Variants in FBXL13 observed in about 807,000 individuals in gnomAD.
FBXL13 encodes F-box and leucine rich repeat protein 13.
A neutral mutation model predicts 83.6 loss-of-function variants in FBXL13; 67 were observed. The ratio of observed to expected loss-of-function variants is 0.80; its 90% confidence interval spans 0.66 to 0.98. The LOEUF is 0.98. Among genes scored for constraint, FBXL13 ranks in the 50% least tolerant of loss-of-function variants. The pLI, the probability that FBXL13 is intolerant of heterozygous loss-of-function variation, is 0.00. For synonymous variants in FBXL13, 272 were observed against 299.5 expected (o/e 0.91, Z 0.95); for missense variants, 822 against 866.5 (o/e 0.95, Z 0.64).
At chr7:103,014,946 A>G (rs1349775308) in intron 6 of FBXL13, among the ~76,000 whole-genome samples, 1 of 150,938 alleles carries the variant, frequency 6.6e-6, no homozygotes, top group East Asian at 1.9e-4. Flanking sequence ...AAAAAAAAAA[A>G]AGAAAATACT....
At chr7:102,883,381 C>T (rs756931053) in exon 14 of FBXL13, 2 of 1,613,386 alleles carry the variant, frequency 1.2e-6, no homozygotes, top group African/African-American at 1.3e-5. Flanking sequence ...TCTGTTATTC[C>T]CTTGCAGTCA....
intron 6 of FBXL13, among the ~76,000 whole-genome samples, chr7:102,975,326 C>T (rs1827293631): frequency 6.6e-6 from 1 of 152,228 alleles, no homozygotes; most frequent in Non-Finnish European, 1.5e-5. Context: ...TATGAACTAA[C>T]TTGGCATGAC....
chr7:102,970,071 T>C (rs1211358928), intron 6 of FBXL13, among the ~76,000 whole-genome samples: 1 of 151,824 alleles, frequency 6.6e-6, no homozygotes, highest in Non-Finnish European at 1.5e-5. Flanking sequence ...GGCAACATAG[T>C]GAAACCCCAT....
chr7:102,839,719 T>C (rs767532041), intron 17 of FBXL13, among the ~76,000 whole-genome samples: 25 of 152,178 alleles, frequency 1.6e-4, no homozygotes, highest in Non-Finnish European at 3.2e-4. Flanking sequence ...GTGCTGGGAT[T>C]ACACATGTGA....
intron 2 of FBXL13, among the ~76,000 whole-genome samples, chr7:103,034,775 C>G (rs573479822): frequency 6.6e-6 from 1 of 152,320 alleles, no homozygotes; most frequent in South Asian, 2.1e-4. Flanking sequence ...CAGCATGTCC[C>G]CCACTACTGT....
chr7:102,883,781 C>T, intron 12 of FBXL13, 96 bp from the exon 14 acceptor site: 1 of 697,122 alleles, frequency 1.4e-6, no homozygotes, highest in Non-Finnish European at 2.4e-6. Context: ...TAGAGACAGA[C>T]ATGTTAACTG....
At chr7:102,971,209 C>G (rs1826610073) in intron 6 of FBXL13, among the ~76,000 whole-genome samples, 1 of 152,174 alleles carries the variant, frequency 6.6e-6, no homozygotes, top group South Asian at 2.1e-4. Flanking sequence ...GTACAAAAGA[C>G]TGTCACGTAG....
intron 11 of FBXL13, among the ~76,000 whole-genome samples, chr7:102,906,626 G>C (rs1361628979): frequency 2.0e-5 from 3 of 152,170 alleles, no homozygotes; most frequent in African/African-American, 7.2e-5. Flanking sequence ...TACTATTCTA[G>C]GGTAAAAGTT....
At chr7:102,914,855 T>A (rs1167584369) in intron 10 of FBXL13, among the ~76,000 whole-genome samples, 1 of 152,196 alleles carries the variant, frequency 6.6e-6, no homozygotes, top group African/African-American at 2.4e-5. Flanking sequence ...AAATGCGTTA[T>A]CTTCCTCTCC....
chr7:102,945,631 C>T (rs1046124536), intron 8 of FBXL13, among the ~76,000 whole-genome samples: 5 of 152,102 alleles, frequency 3.3e-5, no homozygotes, highest in African/African-American at 1.2e-4. Context: ...GGATTTTAGA[C>T]CCTGATCCCA....
intron 1 of FBXL13, among the ~76,000 whole-genome samples, chr7:103,056,026 C>G (rs1172910182): frequency 6.6e-6 from 1 of 151,900 alleles, no homozygotes; most frequent in African/African-American, 2.4e-5. Context: ...CCCCAAGTCC[C>G]CAAAGTCCAT....
intron 18 of FBXL13, among the ~76,000 whole-genome samples, chr7:102,828,860 T>C (rs1169603362): frequency 6.6e-6 from 1 of 152,214 alleles, no homozygotes; most frequent in African/African-American, 2.4e-5. Context: ...CTTTGTGACC[T>C]GGCTCAATCA....
intron 8 of FBXL13, among the ~76,000 whole-genome samples, chr7:102,959,370 T>C (rs1824811874): frequency 6.6e-6 from 1 of 152,146 alleles, no homozygotes; most frequent in Admixed American, 6.6e-5. Context: ...TTTGGAGTTT[T>C]TCTTTCTCAT....
chr7:102,860,992 C>T lies in FBXL13; in HGVS notation c.1636-6132G>A, dbSNP rs577830621. On this transcript the variant is annotated intron_variant, in intron 16 of 19. Transcript: ENST00000313221. ...GTTTATATATAGTTATATATATATACACACACATATATATATACACACAAA... is the reference window on the plus strand; with the variant it reads ...GTTTATATATAGTTATATATATATATACACACATATATATATACACACAAA... Among the ~76,000 whole-genome samples, 523 of 143,710 alleles carry T rather than the reference C, an allele frequency of 3.6e-3. 5 individuals are homozygous for T. The highest frequency in any genetic ancestry group is 0.013 in the African/African-American group (501 of 38,962). 94.3% of individuals were successfully genotyped at this position (143,710 alleles called of 152,430 possible).
intron 6 of FBXL13, among the ~76,000 whole-genome samples, chr7:103,011,930 TTTCA>T (rs1563216307): frequency 6.6e-6 from 1 of 152,112 alleles, no homozygotes; most frequent in Non-Finnish European, 1.5e-5. Context: ...GGAAAACATA[TTTCA>T]GGATATCGTC....
chr7:102,833,572 G>A (rs934203166), intron 17 of FBXL13, among the ~76,000 whole-genome samples: 8 of 150,248 alleles, frequency 5.3e-5, no homozygotes, highest in Admixed American at 2.0e-4. Flanking sequence ...GACTACAGGC[G>A]TGCACCACCA....
chr7:103,014,941 A>G (rs1392254136), intron 6 of FBXL13, among the ~76,000 whole-genome samples: 4 of 150,018 alleles, frequency 2.7e-5, no homozygotes, highest in Non-Finnish European at 5.9e-5. Flanking sequence ...AAAAAAAAAA[A>G]AAAAAAGAAA....
At chr7:102,910,413 G>A (rs1309434258) in intron 11 of FBXL13, among the ~76,000 whole-genome samples, 3 of 151,710 alleles carry the variant, frequency 2.0e-5, no homozygotes, top group African/African-American at 4.8e-5. Flanking sequence ...GTGTTGGGGG[G>A]AGGGGGTCTT....
chr7:103,053,084 G>A (rs1475851643), intron 2 of FBXL13, among the ~76,000 whole-genome samples: 1 of 151,818 alleles, frequency 6.6e-6, no homozygotes, highest in East Asian at 1.9e-4. Context: ...TAAAACTTTA[G>A]GTTTGAAGTA....
Sources: allele counts gnomAD v4.1 joint callset (sites outside exome capture counted in the v4.1 genomes callset), GRCh38; gene constraint gnomAD v4.1.1; transcripts MANE v1.5; gene names NCBI Gene and HGNC (gene_info 2026-07-23, HGNC 2026-07-21).